The following BMP5 variants were observed in gnomAD, a reference collection of about 807,000 sequenced individuals.
The protein encoded by BMP5 is bone morphogenetic protein 5.
Under a neutral mutation model 46.6 loss-of-function variants are expected in BMP5, and 23 were observed. The observed-to-expected ratio is 0.49, with a 90% confidence interval of 0.35 to 0.70. The LOEUF is 0.70. BMP5 is among the 30% of genes least tolerant of loss of function. BMP5 has a pLI of 0.00. For missense variants in BMP5, 545 were observed against 565.6 expected (o/e 0.96, Z 0.37); for synonymous variants, 204 against 191.9 (o/e 1.06, Z -0.52).
intron 2 of BMP5, among the ~76,000 whole-genome samples, chr6:55,805,199 G>A (rs1036493660): frequency 2.0e-5 from 3 of 152,090 alleles, no homozygotes; most frequent in African/African-American, 7.2e-5. Flanking sequence ...GGTATCAGGT[G>A]CCAATAAGCT....
At chr6:55,838,343 G>A (rs115466228) in intron 1 of BMP5, among the ~76,000 whole-genome samples, 1,986 of 152,156 alleles carry the variant, frequency 0.013, 20 homozygotes, top group Non-Finnish European at 0.02. Context: ...TATTAACTGG[G>A]GTGAGCTGAT....
At chr6:55,779,827 C>T (rs756386862) in intron 3 of BMP5, among the ~76,000 whole-genome samples, 4 of 152,000 alleles carry the variant, frequency 2.6e-5, no homozygotes, top group Admixed American at 6.6e-5. Context: ...AGAAATTTAG[C>T]GTTCCTCCTT....
chr6:55,790,298 C>T (rs549646195), intron 3 of BMP5, among the ~76,000 whole-genome samples: 3 of 152,252 alleles, frequency 2.0e-5, no homozygotes, highest in Admixed American at 6.5e-5. Flanking sequence ...TACAAACTCA[C>T]TCAATTACCA....
rs1582139174 is a variant in BMP5 at position 55,875,513 on chromosome 6, C to T, written c.-648G>A. The T allele has an allele frequency of 6.5e-6, 1 of 153,326 alleles. No individual in the cohort carries two copies. Among genetic ancestry groups the T allele is most frequent in the East Asian group, 1.9e-4 (1 of 5,214 alleles). The allele number at this position is 153,326 out of a possible 1,614,324, so 9.5% of individuals were successfully genotyped here. A position where few individuals can be genotyped will look rare whatever the true frequency, so the allele number is the denominator to read the frequency against. On this transcript the variant is annotated 5_prime_UTR_variant, in exon 1 of 7. Transcript: ENST00000370830. Reference sequence around the variant, plus strand: ...ATCCTTCCTGTAAGTCCATTCAATCCCTTTCTCCTTCTTACTGTTAATTCC... The same window carrying T: ...ATCCTTCCTGTAAGTCCATTCAATCTCTTTCTCCTTCTTACTGTTAATTCC...
chr6:55,761,113 A>T, intron 4 of BMP5, among the ~76,000 whole-genome samples: 1 of 151,988 alleles, frequency 6.6e-6, no homozygotes, highest in African/African-American at 2.4e-5. Flanking sequence ...ACCAAAACAA[A>T]ACAACAAGAA....
chr6:55,852,779 C>A (rs1777277206), intron 1 of BMP5, among the ~76,000 whole-genome samples: 1 of 152,092 alleles, frequency 6.6e-6, no homozygotes, highest in Non-Finnish European at 1.5e-5. Flanking sequence ...TGCTGTCATT[C>A]TTCTGTTGTT....
chr6:55,757,041 C>T (rs1401764436), intron 6 of BMP5, among the ~76,000 whole-genome samples: 3 of 151,880 alleles, frequency 2.0e-5, no homozygotes, highest in African/African-American at 7.2e-5. Context: ...GACTTATGTC[C>T]TACATCCCAG....
At chr6:55,865,385 G>T in intron 1 of BMP5, 1 of 498,146 alleles carries the variant, frequency 2.0e-6, no homozygotes, top group African/African-American at 1.9e-5. Context: ...TAAAACCATG[G>T]AATAGTTCTA....
At chr6:55,854,076 C>T (rs371114055) in intron 1 of BMP5, among the ~76,000 whole-genome samples, 15 of 152,150 alleles carry the variant, frequency 9.9e-5, no homozygotes, top group East Asian at 3.9e-4. Context: ...CAATGACAGA[C>T]TGCATTATAA....
intron 1 of BMP5, among the ~76,000 whole-genome samples, chr6:55,838,792 C>T (rs2127544803): frequency 6.6e-6 from 1 of 152,272 alleles, no homozygotes; most frequent in Non-Finnish European, 1.5e-5. Context: ...TTTCATGATG[C>T]TTTTGCTGCC....
At chr6:55,763,905 T>C (rs2127517077) in intron 4 of BMP5, among the ~76,000 whole-genome samples, 1 of 152,318 alleles carries the variant, frequency 6.6e-6, no homozygotes, top group South Asian at 2.1e-4. Flanking sequence ...TTTCTTTAGT[T>C]TGATTCTTTT....
chr6:55,851,338 G>A (rs1318346394), intron 1 of BMP5, among the ~76,000 whole-genome samples: 1 of 152,054 alleles, frequency 6.6e-6, no homozygotes, highest in Non-Finnish European at 1.5e-5. Context: ...TCAGTCCTAT[G>A]ACAATGTCAT....
At chr6:55,862,294 T>C (rs1777541848) in intron 1 of BMP5, among the ~76,000 whole-genome samples, 1 of 152,196 alleles carries the variant, frequency 6.6e-6, no homozygotes, top group Admixed American at 6.5e-5. Flanking sequence ...GGTCGATTTT[T>C]CTCGACAATC....
intron 1 of BMP5, among the ~76,000 whole-genome samples, chr6:55,866,334 C>T (rs1303913710): frequency 6.6e-6 from 1 of 152,154 alleles, no homozygotes; most frequent in Non-Finnish European, 1.5e-5. Flanking sequence ...CTACTAAATT[C>T]TGCCTCTCTG....
rs1777876768 is a variant in BMP5, at chr6:55,874,989, T to G, written c.-124A>C. The G allele has an allele frequency of 9.0e-7, 1 of 1,117,116 alleles. No homozygotes were observed. The highest frequency in any genetic ancestry group is 1.6e-5 in the African/African-American group (1 of 63,212). 69.2% of individuals were successfully genotyped at this position (1,117,116 alleles called of 1,614,324 possible). On this transcript the variant is annotated 5_prime_UTR_variant, in exon 1 of 7. It removes an upstream start codon present in the reference 5' UTR. Coordinates refer to ENST00000370830, the MANE Select transcript of BMP5 (RefSeq NM_021073.4). ...AAAAAACAAATTTACCTATTTTTCA[T>G]GACAGTGACATTTCTGAGCACAACA...
chr6:55,766,102 G>C (rs888477984), intron 4 of BMP5, among the ~76,000 whole-genome samples: 5 of 152,016 alleles, frequency 3.3e-5, no homozygotes, highest in African/African-American at 1.2e-4. Context: ...GATCCACAAA[G>C]CCTCATTAGT....
At chr6:55,862,719 C>A (rs908668782) in intron 1 of BMP5, among the ~76,000 whole-genome samples, 1 of 152,026 alleles carries the variant, frequency 6.6e-6, no homozygotes, top group Non-Finnish European at 1.5e-5. Context: ...ACCTTCTTTT[C>A]GGATATTTCC....
chr6:55,841,250 T>A (rs372603290), intron 1 of BMP5, among the ~76,000 whole-genome samples: 1 of 152,170 alleles, frequency 6.6e-6, no homozygotes, highest in African/African-American at 2.4e-5. Context: ...ATTAGGTTGA[T>A]GTTGATGTTT....
chr6:55,874,316 C>A (rs1777849990), intron 1 of BMP5, 60 bp downstream of exon 1: 2 of 1,607,354 alleles, frequency 1.2e-6, no homozygotes, highest in Non-Finnish European at 1.7e-6. Context: ...AGCTCCTTTA[C>A]CATTAGGGAA....
Sources: allele counts gnomAD v4.1 joint callset (sites outside exome capture counted in the v4.1 genomes callset), GRCh38; gene constraint gnomAD v4.1.1; transcripts MANE v1.5; gene names NCBI Gene and HGNC (gene_info 2026-07-23, HGNC 2026-07-21).